Variants in STOX2 observed in about 807,000 individuals in gnomAD.
The protein encoded by STOX2 is storkhead box 2.
A neutral mutation model predicts 60.9 loss-of-function variants in STOX2; 28 were observed. The observed-to-expected ratio is 0.46, with a 90% confidence interval of 0.34 to 0.63. The LOEUF is 0.63. Ranked by LOEUF, STOX2 falls within the 30% of genes least tolerant of loss-of-function variation. STOX2 has a pLI of 0.01. For synonymous variants in STOX2, 472 were observed against 463.9 expected (o/e 1.02, Z -0.22); for missense variants, 1,024 against 1,187.7 (o/e 0.86, Z 2.03).
chr4:183,950,965 C>T (rs1476877179), intron 1 of STOX2, among the ~76,000 whole-genome samples: 2 of 152,102 alleles, frequency 1.3e-5, no homozygotes, highest in African/African-American at 4.8e-5. Context: ...CCTGTAATCC[C>T]AGCACTTTGG....
At chr4:184,016,875 C>G (rs777501094) in intron 3 of STOX2, among the ~76,000 whole-genome samples, 1 of 152,168 alleles carries the variant, frequency 6.6e-6, no homozygotes, top group Non-Finnish European at 1.5e-5. Flanking sequence ...CCTTTATTCA[C>G]TGAGTGTGCT....
At chr4:183,954,659 G>GCA (rs1268685190) in intron 1 of STOX2, among the ~76,000 whole-genome samples, 1 of 152,000 alleles carries the variant, frequency 6.6e-6, no homozygotes, top group African/African-American at 2.4e-5. Flanking sequence ...AGTCAAAAAT[G>GCA]CACACACACA....
intron 1 of STOX2, among the ~76,000 whole-genome samples, chr4:183,982,582 C>T (rs1479931103): frequency 2.0e-5 from 3 of 152,122 alleles, no homozygotes; most frequent in Non-Finnish European, 2.9e-5. Context: ...CTCCTCTTCC[C>T]TTTATTTCTC....
In STOX2 at chr4:184,015,894, G is replaced by T. The variant is rs145287393; in HGVS notation, c.2586-1195G>T. 12 of 152,336 alleles carry T rather than the reference G, an allele frequency of 7.9e-5. No individual in the cohort carries two copies. In the East Asian group the frequency reaches 2.3e-3, roughly 29 times the overall value. 9.4% of individuals were successfully genotyped at this position (152,336 alleles called of 1,614,324 possible). A position where few individuals can be genotyped will look rare whatever the true frequency, so the allele number is the denominator to read the frequency against. On this transcript the variant is annotated intron_variant, in intron 3 of 3. Transcript: ENST00000308497. Reference sequence around the variant, plus strand: ...CACATTGAGGCCCTGGCACAGGAAAGCTACTCAGTTCTTCTCAATCTGGCC... The same window carrying T: ...CACATTGAGGCCCTGGCACAGGAAATCTACTCAGTTCTTCTCAATCTGGCC...
At chr4:183,805,277 T>C (rs1738861448) in intron 1 of STOX2, among the ~76,000 whole-genome samples, 1 of 152,256 alleles carries the variant, frequency 6.6e-6, no homozygotes, top group Non-Finnish European at 1.5e-5. Context: ...TTAGTTTATA[T>C]ATTTGTTAAA....
At chr4:183,903,239 A>G (rs190429999), upstream of STOX2, among the ~76,000 whole-genome samples, 14 of 152,172 alleles carry the variant, frequency 9.2e-5, no homozygotes, top group African/African-American at 3.4e-4. Context: ...CCTCATCACA[A>G]ACCTCCCTCT....
At chr4:183,860,862 A>C (rs764133481) in intron 1 of STOX2, among the ~76,000 whole-genome samples, 3 of 152,178 alleles carry the variant, frequency 2.0e-5, no homozygotes, top group Non-Finnish European at 4.4e-5. Flanking sequence ...TTTCCATCCG[A>C]GTTTCCGTAG....
At chr4:183,802,652 C>A (rs1738792562) in intron 1 of STOX2, among the ~76,000 whole-genome samples, 1 of 150,610 alleles carries the variant, frequency 6.6e-6, no homozygotes, top group African/African-American at 2.4e-5. Flanking sequence ...GTCGCCCAGG[C>A]TGGAGTGCAG....
At position 183,906,579 on chromosome 4, in the gene STOX2, A is replaced by C; in HGVS notation, c.-212A>C. 1.9e-6 allele frequency: 1 copy of C among 532,952 alleles called. No homozygotes were observed. The highest frequency in any genetic ancestry group is 3.3e-6 in the Non-Finnish European group (1 of 302,680). The allele number at this position is 532,952 out of a possible 1,614,324, so 33.0% of individuals were successfully genotyped here. A position where few individuals can be genotyped will look rare whatever the true frequency, so the allele number is the denominator to read the frequency against. On this transcript the variant is annotated 5_prime_UTR_variant, in exon 1 of 4. Transcript: ENST00000308497. ...CAAATGAAGTGTAATGCATTGTGGG[A>C]CGTGTGTAAAATCGGAGCCTTCGCC...
chr4:183,818,299 T>C (rs912043356), intron 1 of STOX2, among the ~76,000 whole-genome samples: 5 of 151,988 alleles, frequency 3.3e-5, no homozygotes, highest in African/African-American at 1.2e-4. Flanking sequence ...GTGATGACTC[T>C]TAACGAGCAT....
At chr4:183,870,936 T>A (rs936341116) in intron 1 of STOX2, among the ~76,000 whole-genome samples, 1 of 152,254 alleles carries the variant, frequency 6.6e-6, no homozygotes, top group Admixed American at 6.5e-5. Flanking sequence ...TGAAATCTTA[T>A]ATGATTCTAT....
chr4:183,878,104 A>G (rs914497239), intron 1 of STOX2, among the ~76,000 whole-genome samples: 2 of 152,184 alleles, frequency 1.3e-5, no homozygotes, highest in East Asian at 3.8e-4. Flanking sequence ...AGCTTGAGGA[A>G]CCATCCAAGG....
At chr4:183,878,800 G>T (rs1740886553) in intron 1 of STOX2, among the ~76,000 whole-genome samples, 1 of 152,168 alleles carries the variant, frequency 6.6e-6, no homozygotes, top group Admixed American at 6.5e-5. Flanking sequence ...CCTAACCTTT[G>T]TATTGAGATT....
intron 1 of STOX2, among the ~76,000 whole-genome samples, chr4:183,799,242 C>T (rs1420338249): frequency 6.6e-6 from 1 of 152,156 alleles, no homozygotes; most frequent in Non-Finnish European, 1.5e-5. Context: ...GTAAAGCTTG[C>T]ATCTTGTGTA....
At chr4:183,837,025 G>A (rs761958508) in intron 1 of STOX2, among the ~76,000 whole-genome samples, 3 of 152,098 alleles carry the variant, frequency 2.0e-5, no homozygotes, top group Non-Finnish European at 4.4e-5. Flanking sequence ...ACTCATACAC[G>A]TAGCACTGTA....
At chr4:183,971,892 G>A (rs978010697) in intron 1 of STOX2, among the ~76,000 whole-genome samples, 2 of 152,200 alleles carry the variant, frequency 1.3e-5, no homozygotes, top group African/African-American at 4.8e-5. Context: ...GGTGCAGCAG[G>A]CACCGTGGGG....
chr4:183,987,428 C>T (rs1732894032), intron 1 of STOX2, among the ~76,000 whole-genome samples: 1 of 152,036 alleles, frequency 6.6e-6, no homozygotes, highest in South Asian at 2.1e-4. Flanking sequence ...AGCGTGGCAC[C>T]CGTAGTGCAA....
chr4:183,833,635 T>G (rs1560837039), intron 1 of STOX2, among the ~76,000 whole-genome samples: 2 of 112,610 alleles, frequency 1.8e-5, no homozygotes, highest in East Asian at 2.1e-4. Flanking sequence ...TCTGCAGGAG[T>G]TTTTTTTTTT....
At chr4:183,868,812 C>G (rs985596551) in intron 1 of STOX2, among the ~76,000 whole-genome samples, 1 of 152,278 alleles carries the variant, frequency 6.6e-6, no homozygotes, top group East Asian at 1.9e-4. Flanking sequence ...ACTGAATGTT[C>G]TAGTTTATTA....
Sources: allele counts gnomAD v4.1 joint callset (sites outside exome capture counted in the v4.1 genomes callset), GRCh38; gene constraint gnomAD v4.1.1; transcripts MANE v1.5; gene names NCBI Gene and HGNC (gene_info 2026-07-23, HGNC 2026-07-21).